The following STK32B variants were observed in gnomAD, a reference collection of about 807,000 sequenced individuals.
STK32B encodes serine/threonine-protein kinase 32B.
STK32B carries 43 observed loss-of-function variants against 52.6 expected under a neutral mutation model. The ratio of observed to expected loss-of-function variants is 0.82; its 90% CI spans 0.64 to 1.05. The LOEUF is 1.05. Ranked by LOEUF, STK32B falls within the 50% of genes least tolerant of loss-of-function variation. STK32B has a pLI of 0.00. For missense variants in STK32B, 621 were observed against 534.6 expected (o/e 1.16, Z -1.59); for synonymous variants, 238 against 204.3 (o/e 1.17, Z -1.41).
chr4:5,256,766 G>A (rs1225549020), intron 3 of STK32B, among the ~76,000 whole-genome samples: 1 of 152,178 alleles, frequency 6.6e-6, no homozygotes, highest in African/African-American at 2.4e-5. Flanking sequence ...GCACAAGATG[G>A]ACTAGGCTTC....
rs1351172087 is a variant in STK32B at position 5,331,328 on chromosome 4, G to A, written c.369G>A (p.Val123=). 3 of 1,613,832 alleles carry A rather than the reference G, an allele frequency of 1.9e-6. No homozygotes were observed. Among genetic ancestry groups the A allele is most frequent in the Admixed American group, 3.3e-5 (2 of 59,980 alleles). Residue 123 remains valine (V), a synonymous_variant, in exon 4 of 12, where the codon GTG becomes GTA. Coordinates refer to ENST00000282908, the MANE Select transcript of STK32B (RefSeq NM_018401.3). Reference sequence around the variant, plus strand: ...ATGTGCATTTCACAGAGGGGACTGTGAAACTCTACATCTGTGAGCTGGCAC... The same window carrying A: ...ATGTGCATTTCACAGAGGGGACTGTAAAACTCTACATCTGTGAGCTGGCAC... ...QQNVHFTEGT[V]KLYICELALA...
intron 3 of STK32B, among the ~76,000 whole-genome samples, chr4:5,309,085 C>A (rs920305901): frequency 6.6e-6 from 1 of 152,042 alleles, no homozygotes; most frequent in African/African-American, 2.4e-5. Context: ...AATGTAATAG[C>A]ATTTCTATAC....
intron 1 of STK32B, among the ~76,000 whole-genome samples, chr4:5,129,253 A>T (rs944737034): frequency 6.6e-6 from 1 of 152,186 alleles, no homozygotes; most frequent in Admixed American, 6.5e-5. Context: ...ATTTTTCCCC[A>T]GTAGCTAGCC....
intron 3 of STK32B, among the ~76,000 whole-genome samples, chr4:5,182,216 A>G (rs2108754225): frequency 6.6e-6 from 1 of 152,284 alleles, no homozygotes; most frequent in African/African-American, 2.4e-5. Flanking sequence ...TGCTACTTAC[A>G]CCACATCTGC....
At chr4:5,446,062 C>T (rs1715388481) in intron 6 of STK32B, among the ~76,000 whole-genome samples, 1 of 152,212 alleles carries the variant, frequency 6.6e-6, no homozygotes, top group Non-Finnish European at 1.5e-5. Flanking sequence ...CATACTCCAC[C>T]AATCCACCCC....
At chr4:5,228,058 T>C (rs1290739078) in intron 3 of STK32B, among the ~76,000 whole-genome samples, 1 of 152,200 alleles carries the variant, frequency 6.6e-6, no homozygotes, top group Non-Finnish European at 1.5e-5. Flanking sequence ...TATTCATGAA[T>C]AATATTCCAA....
intron 4 of STK32B, among the ~76,000 whole-genome samples, chr4:5,357,016 TATATATACACACACACACACACAC>T (rs963137216): frequency 6.8e-6 from 1 of 147,586 alleles, no homozygotes; most frequent in African/African-American, 2.5e-5. Context: ...TGTATATATA[TATATATACACACACACACACACAC>T]ATATATACAC....
chr4:5,407,691 T>C (rs1343429692), intron 5 of STK32B, among the ~76,000 whole-genome samples: 1 of 151,906 alleles, frequency 6.6e-6, no homozygotes, highest in Non-Finnish European at 1.5e-5. Context: ...TATAAAACAG[T>C]CAGATCTTGT....
chr4:5,381,244 T>A (rs1328063805), intron 4 of STK32B, among the ~76,000 whole-genome samples: 1 of 152,180 alleles, frequency 6.6e-6, no homozygotes, highest in Non-Finnish European at 1.5e-5. Context: ...TCATTATTCT[T>A]TAGTTCTACA....
At chr4:5,123,709 C>G (rs926137455) in intron 1 of STK32B, among the ~76,000 whole-genome samples, 1 of 152,106 alleles carries the variant, frequency 6.6e-6, no homozygotes, top group African/African-American at 2.4e-5. Flanking sequence ...TAGGGCCCCA[C>G]CTTTTTGACC....
chr4:5,317,515 A>T (rs1560314358), intron 3 of STK32B, among the ~76,000 whole-genome samples: 1 of 98,192 alleles, frequency 1.0e-5, no homozygotes, highest in African/African-American at 7.0e-5. Context: ...TATGTATAAT[A>T]TATTTATTAT....
intron 2 of STK32B, among the ~76,000 whole-genome samples, chr4:5,144,533 G>C (rs569428360): frequency 3.3e-5 from 5 of 152,112 alleles, no homozygotes; most frequent in Non-Finnish European, 5.9e-5. Flanking sequence ...GGGCTGTTGT[G>C]TATACTTAAG....
chr4:5,498,911 C>G (rs200685482), intron 11 of STK32B, 34 bp from the exon 12 acceptor site: 1 of 1,589,034 alleles, frequency 6.3e-7, no homozygotes, highest in African/African-American at 1.3e-5. Flanking sequence ...AACCCCATGC[C>G]GCACCACTAA....
At chr4:5,177,937 G>C (rs1341973109) in intron 3 of STK32B, among the ~76,000 whole-genome samples, 1 of 152,186 alleles carries the variant, frequency 6.6e-6, no homozygotes, top group Non-Finnish European at 1.5e-5. Flanking sequence ...GGCTGGCACT[G>C]AGTATCTGTG....
rs1049433938 is a variant in STK32B at position 5,051,688 on chromosome 4, A to G, written c.-176A>G. The G allele has an allele frequency of 8.4e-6, 6 of 715,064 alleles. No homozygotes were observed. The highest frequency in any genetic ancestry group is 1.3e-5 in the Non-Finnish European group (6 of 459,044). 44.3% of individuals were successfully genotyped at this position (715,064 alleles called of 1,614,324 possible). On this transcript the variant is annotated 5_prime_UTR_variant, in exon 1 of 12. Coordinates refer to ENST00000282908, the MANE Select transcript of STK32B (RefSeq NM_018401.3). Reference sequence around the variant, plus strand: ...TGCGAGCGCAGTCGGAAGGGCGTCCAGGAGAAGGGGGACGCCGTCCCCGCC... The same window carrying G: ...TGCGAGCGCAGTCGGAAGGGCGTCCGGGAGAAGGGGGACGCCGTCCCCGCC...
chr4:5,411,729 T>C (rs1711704115), intron 5 of STK32B, among the ~76,000 whole-genome samples: 1 of 152,144 alleles, frequency 6.6e-6, no homozygotes, highest in Non-Finnish European at 1.5e-5. Flanking sequence ...TTTTGACAAA[T>C]ACATTTGAAC....
the STK32B span, among the ~76,000 whole-genome samples, chr4:5,043,851 C>T: frequency 3.9e-5 from 6 of 152,248 alleles, no homozygotes; most frequent in African/African-American, 1.4e-4. Context: ...TACCTGTCTT[C>T]TCGGGCTCCC....
chr4:5,420,166 G>A (rs1214500351), intron 6 of STK32B, among the ~76,000 whole-genome samples: 1 of 152,188 alleles, frequency 6.6e-6, no homozygotes, highest in Non-Finnish European at 1.5e-5. Flanking sequence ...CCAGGTCAAT[G>A]TGACTCCAAA....
chr4:5,298,924 G>A (rs1443730230), intron 3 of STK32B, among the ~76,000 whole-genome samples: 1 of 152,134 alleles, frequency 6.6e-6, no homozygotes, highest in African/African-American at 2.4e-5. Flanking sequence ...CCCTGGTGGT[G>A]TAGGCATCTG....
Sources: allele counts gnomAD v4.1 joint callset (sites outside exome capture counted in the v4.1 genomes callset), GRCh38; gene constraint gnomAD v4.1.1; transcripts MANE v1.5; gene names NCBI Gene and HGNC (gene_info 2026-07-23, HGNC 2026-07-21).